The following RABGAP1L variants were observed in gnomAD, a reference collection of about 807,000 sequenced individuals.
The protein encoded by RABGAP1L is RAB GTPase activating protein 1 like.
RABGAP1L carries 63 observed loss-of-function variants against 137.7 expected under a neutral mutation model. The observed-to-expected ratio is 0.46, with a 90% CI of 0.37 to 0.56. The LOEUF is 0.56. Ranked by LOEUF, RABGAP1L falls within the 20% of genes least tolerant of loss-of-function variation. RABGAP1L has a pLI of 0.00. For missense variants in RABGAP1L, 1,095 were observed against 1,244.0 expected, an observed-to-expected ratio of 0.88 and a Z score of 1.80; for synonymous variants, 431 against 433.7, an observed-to-expected ratio of 0.99 and a Z score of 0.08.
At chr1:174,667,149 A>G (rs1157080110) in intron 14 of RABGAP1L, among the ~76,000 whole-genome samples, 2 of 152,178 alleles carry the variant, frequency 1.3e-5, no homozygotes, top group Non-Finnish European at 2.9e-5. Flanking sequence ...ACATAATGAA[A>G]TTAAAAGTCC....
intron 19 of RABGAP1L, among the ~76,000 whole-genome samples, chr1:174,864,064 AC>A (rs1456476661): frequency 1.8e-4 from 28 of 152,356 alleles, no homozygotes; most frequent in Non-Finnish European, 3.7e-4. Flanking sequence ...TAGAGGAAAT[AC>A]ATTAAGGTTT....
chr1:174,324,999 G>C (rs559168855), intron 11 of RABGAP1L, among the ~76,000 whole-genome samples: 32 of 152,116 alleles, frequency 2.1e-4, no homozygotes, highest in Non-Finnish European at 4.3e-4. Context: ...ACTCTTTTAA[G>C]AAATATAAGA....
intron 13 of RABGAP1L, among the ~76,000 whole-genome samples, chr1:174,474,269 T>C (rs1330388809): frequency 6.6e-6 from 1 of 152,232 alleles, no homozygotes; most frequent in East Asian, 1.9e-4. Flanking sequence ...ATTTCTGAGA[T>C]TGTTTATTTC....
chr1:174,683,596 T>C lies in RABGAP1L; in HGVS notation c.1899T>C (p.His633=), dbSNP rs776823990. 5 of 1,596,768 alleles carry C rather than the reference T, an allele frequency of 3.1e-6. No individual in the cohort carries two copies. The South Asian group carries it at 5.5e-5, about 18-fold the overall frequency. Residue 633 remains histidine (H), a splice_region_variant and synonymous_variant, in exon 15 of 26, where the codon CAT becomes CAC. Transcript: ENST00000681986. ...QSFLAAVLLL[H]MPEEQAFCVL... is the part of the protein sequence containing the mutation. Reference sequence around the variant, plus strand: ...TTCTTGCTGCTGTATTACTGCTGCATGTAAGTAATGGTCCGTGTGATAAAT... The same window carrying C: ...TTCTTGCTGCTGTATTACTGCTGCACGTAAGTAATGGTCCGTGTGATAAAT...
At chr1:174,507,690 G>C (rs545587246) in intron 13 of RABGAP1L, among the ~76,000 whole-genome samples, 1 of 152,150 alleles carries the variant, frequency 6.6e-6, no homozygotes, top group South Asian at 2.1e-4. Flanking sequence ...TAAACCAGAG[G>C]AGAAAAAAAT....
chr1:174,371,998 T>A (rs1382144104), intron 12 of RABGAP1L, among the ~76,000 whole-genome samples: 1 of 152,150 alleles, frequency 6.6e-6, no homozygotes, highest in East Asian at 1.9e-4. Context: ...TTTATCAAAT[T>A]TGGACCAAAG....
intron 19 of RABGAP1L, chr1:174,945,938 T>C (rs1385785033): frequency 6.6e-6 from 1 of 152,072 alleles, no homozygotes; most frequent in Non-Finnish European, 1.5e-5. Context: ...CTGCCCCCTC[T>C]TAAGACTTTA....
chr1:174,362,256 G>A (rs1299354851), intron 11 of RABGAP1L, among the ~76,000 whole-genome samples: 1 of 152,164 alleles, frequency 6.6e-6, no homozygotes, highest in Non-Finnish European at 1.5e-5. Context: ...GTGTGCATGT[G>A]TCTTTATAAT....
chr1:174,682,932 C>G (rs1252159556), intron 14 of RABGAP1L, among the ~76,000 whole-genome samples: 1 of 151,982 alleles, frequency 6.6e-6, no homozygotes, highest in East Asian at 1.9e-4. Flanking sequence ...AAGCATGGGA[C>G]AATGCTAAAT....
At chr1:174,205,346 G>T (rs1362184844) in intron 1 of RABGAP1L, among the ~76,000 whole-genome samples, 1 of 152,156 alleles carries the variant, frequency 6.6e-6, no homozygotes, top group Non-Finnish European at 1.5e-5. Context: ...TTTTGGAATA[G>T]TTTCTGTAGG....
chr1:174,371,174 A>T, intron 12 of RABGAP1L, 102 bp downstream of exon 12: 1 of 510,436 alleles, frequency 2.0e-6, no homozygotes, highest in East Asian at 3.3e-5. Flanking sequence ...AAGGATTAAT[A>T]TTAAAATCTA....
At chr1:174,944,562 G>A (rs561925541) in intron 19 of RABGAP1L, among the ~76,000 whole-genome samples, 1 of 150,932 alleles carries the variant, frequency 6.6e-6, no homozygotes, top group East Asian at 2.0e-4. Context: ...TCTTGAGCCT[G>A]GAAAGTCAAG....
At chr1:174,610,032 GTTTT>G (rs141094186) in intron 13 of RABGAP1L, among the ~76,000 whole-genome samples, 4 of 142,690 alleles carry the variant, frequency 2.8e-5, no homozygotes, top group African/African-American at 1.0e-4. Context: ...TTTGGTATGC[GTTTT>G]TTTTTTCTTT....
rs185265916 is a variant in RABGAP1L at position 174,493,520 on chromosome 1, T to C, written c.1710+99375T>C. 1.3e-3 allele frequency among the ~76,000 whole-genome samples: 193 copies of C among 152,082 alleles called. 1 individual carries two copies. Among genetic ancestry groups the C allele is most frequent in the Non-Finnish European group, 2.3e-3 (153 of 67,986 alleles). Reference sequence around the variant, plus strand: ...TAGCCCTACCCAATATTAAAGTTGATGATAATTTTATAGGCTTGGCCAGAT... The same window carrying C: ...TAGCCCTACCCAATATTAAAGTTGACGATAATTTTATAGGCTTGGCCAGAT... On this transcript the variant is annotated intron_variant, in intron 13 of 25. Transcript: ENST00000681986.
intron 13 of RABGAP1L, among the ~76,000 whole-genome samples, chr1:174,557,693 G>T (rs770973475): frequency 6.6e-5 from 10 of 152,198 alleles, no homozygotes; most frequent in Non-Finnish European, 1.2e-4. Context: ...TAGAGATGTT[G>T]CCCAAGAATT....
intron 15 of RABGAP1L, among the ~76,000 whole-genome samples, chr1:174,692,664 A>T (rs930795343): frequency 1.1e-4 from 17 of 152,204 alleles, no homozygotes; most frequent in Admixed American, 6.5e-5. Context: ...ATCTTAGAGT[A>T]AAAATTTTAC....
chr1:174,804,270 T>TTTTGTTTTTTG (rs563855686), intron 18 of RABGAP1L, among the ~76,000 whole-genome samples: 2 of 90,486 alleles, frequency 2.2e-5, no homozygotes, highest in Non-Finnish European at 5.8e-5. Context: ...TTTTGTTTTG[T>TTTTGTTTTTTG]TTTGTTTTTT....
Position 174,993,867 on chromosome 1 carries a change from T to C in RABGAP1L, c.*3866T>C, listed in dbSNP as rs1158982256. On this transcript the variant is annotated 3_prime_UTR_variant, in exon 26 of 26. Coordinates refer to ENST00000681986, the MANE Select transcript of RABGAP1L (RefSeq NM_001366446.1). ...CTCCTTTTCTCCAATTACAAATGAG[T>C]GTGAAGAAATTCTGTTGTATGATTT... The C allele has an allele frequency of 2.6e-5, 4 of 152,178 alleles. No homozygotes were observed. The highest frequency in any genetic ancestry group is 6.5e-5 in the Admixed American group (1 of 15,288). The allele number at this position is 152,178 out of a possible 1,614,324, so 9.4% of individuals were successfully genotyped here. A position where few individuals can be genotyped will look rare whatever the true frequency, so the allele number is the denominator to read the frequency against.
intron 19 of RABGAP1L, among the ~76,000 whole-genome samples, chr1:174,826,613 G>T (rs923209057): frequency 6.6e-6 from 1 of 152,112 alleles, no homozygotes; most frequent in Non-Finnish European, 1.5e-5. Flanking sequence ...GAACATACAG[G>T]TACATGTGTC....
Sources: allele counts gnomAD v4.1 joint callset (sites outside exome capture counted in the v4.1 genomes callset), GRCh38; gene constraint gnomAD v4.1.1; transcripts MANE v1.5; gene names NCBI Gene and HGNC (gene_info 2026-07-23, HGNC 2026-07-21).